Variants in NBEAL1 observed in about 807,000 individuals in gnomAD.
The protein encoded by NBEAL1 is neurobeachin like 1.
NBEAL1 carries 273 observed loss-of-function variants against 351.3 expected under a neutral mutation model. That is an observed-to-expected ratio of 0.78 (90% CI 0.70 to 0.86). The LOEUF (loss-of-function observed/expected upper bound fraction) is 0.86, where lower values mean the gene tolerates loss of function less well. Among genes scored for constraint, NBEAL1 ranks in the 40% least tolerant of loss-of-function variants. NBEAL1 has a pLI of 0.00. For missense variants in NBEAL1, 2,961 were observed against 3,201.3 expected, an observed-to-expected ratio of 0.92 and a Z score of 1.81; for synonymous variants, 1,050 against 1,086.4, an observed-to-expected ratio of 0.97 and a Z score of 0.66.
At chr2:203,121,428 G>A (rs886619805) in intron 18 of NBEAL1, among the ~76,000 whole-genome samples, 3 of 152,050 alleles carry the variant, frequency 2.0e-5, no homozygotes, top group Non-Finnish European at 4.4e-5. Context: ...CGAGGTGGGT[G>A]GATCCCTTGA....
At chr2:203,093,449 G>T (rs2062110556) in intron 10 of NBEAL1, among the ~76,000 whole-genome samples, 1 of 152,100 alleles carries the variant, frequency 6.6e-6, no homozygotes, top group Admixed American at 6.5e-5. Context: ...ATAGGCCAAA[G>T]TTTATTAAAA....
At chr2:203,108,702 C>T (rs1463821146) in intron 14 of NBEAL1, among the ~76,000 whole-genome samples, 2 of 152,108 alleles carry the variant, frequency 1.3e-5, no homozygotes, top group Non-Finnish European at 2.9e-5. Flanking sequence ...CGCACCCAGC[C>T]ACAAGTTTCC....
At chr2:203,121,776 C>G (rs1219199172) in intron 18 of NBEAL1, among the ~76,000 whole-genome samples, 4 of 151,554 alleles carry the variant, frequency 2.6e-5, no homozygotes, top group Admixed American at 2.0e-4. Context: ...ATTCCTGATT[C>G]TTTCTTTTTT....
At position 203,135,851 on chromosome 2, in the gene NBEAL1, G is replaced by A. The variant is rs2063189280; in HGVS notation, c.3988G>A (p.Glu1330Lys). 6.2e-7 allele frequency: 1 copy of A among 1,614,012 alleles called. No homozygotes were observed. The highest frequency in any genetic ancestry group is 1.1e-5 in the South Asian group (1 of 91,070). Residue 1330 changes from glutamate to lysine, a missense_variant, in exon 28 of 56, where the codon GAA (glutamate) becomes AAA (lysine). Physicochemically the swap from Glu to Lys is moderately conservative, Grantham distance 56. Transcript: ENST00000683969. ...AGACAATGATAAAAATATGTCAACT[G>A]AAGATACCAAGAAGAACTCTGATGA... ...MKDNDKNMST[E>K]DTKKNSDEKT...
In NBEAL1 at chr2:203,145,059, C is replaced by A; in HGVS notation, c.5203C>A (p.His1735Asn). 1 of 1,612,034 alleles carries A rather than the reference C, an allele frequency of 6.2e-7. No homozygotes were observed. Among genetic ancestry groups the A allele is most frequent in the South Asian group, 1.1e-5 (1 of 90,576 alleles). Residue 1735 changes from histidine to asparagine, a missense_variant, in exon 33 of 56, where the codon CAT becomes AAT. By Grantham distance (68) the His-to-Asn change is moderately conservative (BLOSUM62 1). Transcript: ENST00000683969. ...TGAAGCTCATACATTTTACGATGGTCATGAGAACATGGCACTTTATTGGAA... is the reference window on the plus strand; with the variant it reads ...TGAAGCTCATACATTTTACGATGGTAATGAGAACATGGCACTTTATTGGAA... Reference protein sequence around the residue: ...QYEAHTFYDGHENMALYWKDC... With the variant: ...QYEAHTFYDGNENMALYWKDC...
At chr2:203,036,743 G>C (rs1176662988) in intron 2 of NBEAL1, among the ~76,000 whole-genome samples, 1 of 148,926 alleles carries the variant, frequency 6.7e-6, no homozygotes, top group Non-Finnish European at 1.5e-5. Flanking sequence ...CAATTTTGTA[G>C]GTGAACTCTG....
At chr2:203,212,479 C>G (rs1036892184) in intron 54 of NBEAL1, among the ~76,000 whole-genome samples, 12 of 151,484 alleles carry the variant, frequency 7.9e-5, no homozygotes, top group Non-Finnish European at 1.8e-4. Context: ...TGGTGGCGGG[C>G]ACCTGTAGTC....
intron 2 of NBEAL1, among the ~76,000 whole-genome samples, chr2:203,039,227 TTCCC>T (rs2061091247): frequency 7.0e-5 from 1 of 14,334 alleles, no homozygotes; most frequent in Non-Finnish European, 1.8e-4. Flanking sequence ...TTCCCTTCCC[TTCCC>T]TTCCCTTCCC....
chr2:203,024,222 A>AAAAAAGT (rs2060817641), intron 2 of NBEAL1, among the ~76,000 whole-genome samples: 1 of 151,738 alleles, frequency 6.6e-6, no homozygotes, highest in South Asian at 2.1e-4. Flanking sequence ...AGAAAAAAAG[A>AAAAAAGT]AAAAAGTAGT....
At chr2:203,111,235 G>T (rs72934545) in intron 15 of NBEAL1, among the ~76,000 whole-genome samples, 14,090 of 152,080 alleles carry the variant, frequency 0.093, 759 homozygotes, top group Non-Finnish European at 0.13. Flanking sequence ...GGAGGATACT[G>T]GGGAGTTCAA....
intron 12 of NBEAL1, among the ~76,000 whole-genome samples, chr2:203,105,960 A>G (rs75531765): frequency 0.035 from 5,350 of 152,274 alleles, 304 homozygotes; most frequent in African/African-American, 0.12. Context: ...GACTGCCTAA[A>G]ATATGACATT....
At chr2:203,049,655 A>C (rs2061292374) in intron 3 of NBEAL1, among the ~76,000 whole-genome samples, 159 bp from the exon 4 acceptor site, 1 of 152,166 alleles carries the variant, frequency 6.6e-6, no homozygotes, top group African/African-American at 2.4e-5. Context: ...ACTAATCATC[A>C]TGTGCTACAT....
intron 26 of NBEAL1, among the ~76,000 whole-genome samples, chr2:203,132,738 A>C (rs2106302439): frequency 6.6e-6 from 1 of 152,132 alleles, no homozygotes; most frequent in African/African-American, 2.4e-5. Flanking sequence ...AGATGCTGGG[A>C]GTTTGGGGAT....
At chr2:203,077,524 A>G (rs138045845) in intron 7 of NBEAL1, among the ~76,000 whole-genome samples, 2,721 of 152,288 alleles carry the variant, frequency 0.018, 45 homozygotes, top group South Asian at 0.029. Context: ...TCATCCTTAT[A>G]TGGAGAATTA....
chr2:203,125,661 AT>A, intron 20 of NBEAL1, 141 bp downstream of exon 20: 1 of 813,758 alleles, frequency 1.2e-6, no homozygotes, highest in East Asian at 3.1e-5. Flanking sequence ...TACTAATATC[AT>A]TCAGAAAGTT....
intron 25 of NBEAL1, among the ~76,000 whole-genome samples, chr2:203,131,239 G>A (rs985963877): frequency 3.3e-5 from 5 of 152,024 alleles, no homozygotes; most frequent in African/African-American, 4.8e-5. Context: ...TTTTTGAGAC[G>A]GAGTCTCGCT....
At chr2:203,102,743 A>G (rs1000746156) in intron 12 of NBEAL1, among the ~76,000 whole-genome samples, 2 of 152,172 alleles carry the variant, frequency 1.3e-5, no homozygotes, top group African/African-American at 4.8e-5. Flanking sequence ...ATCTATGTTT[A>G]TCAAGGATAT....
chr2:203,189,819 G>A (rs1465893176), intron 45 of NBEAL1, among the ~76,000 whole-genome samples: 2 of 151,794 alleles, frequency 1.3e-5, no homozygotes, highest in African/African-American at 4.8e-5. Flanking sequence ...GTAAATTGAA[G>A]AATGGAATAA....
intron 12 of NBEAL1, 55 bp downstream of exon 12, chr2:203,099,767 A>C: frequency 1.7e-6 from 2 of 1,199,976 alleles, no homozygotes; most frequent in Non-Finnish European, 1.2e-6. Context: ...TTTTAGGTTC[A>C]GGGGTACATG....
Sources: allele counts gnomAD v4.1 joint callset (sites outside exome capture counted in the v4.1 genomes callset), GRCh38; gene constraint gnomAD v4.1.1; transcripts MANE v1.5; gene names NCBI Gene and HGNC (gene_info 2026-07-23, HGNC 2026-07-21).